Variants in CELF2 observed in about 807,000 individuals in gnomAD.
The protein encoded by CELF2 is CUGBP Elav-like family member 2.
Under a neutral mutation model 62.6 loss-of-function variants are expected in CELF2, and 8 were observed. The ratio of observed to expected loss-of-function variants is 0.13; its 90% CI spans 0.07 to 0.23. The LOEUF (loss-of-function observed/expected upper bound fraction) is 0.23, where lower values mean the gene tolerates loss of function less well. CELF2 is among the 10% of genes least tolerant of loss of function. The pLI is 1.00. For missense variants in CELF2, 333 were observed against 671.0 expected (o/e 0.50, Z 5.56); for synonymous variants, 258 against 250.0 (o/e 1.03, Z -0.30).
At chr10:11,153,215 C>G (rs538529197) in intron 1 of CELF2, among the ~76,000 whole-genome samples, 2 of 152,180 alleles carry the variant, frequency 1.3e-5, no homozygotes, top group African/African-American at 2.4e-5. Context: ...CACCTGTCCC[C>G]TCTTAAATAT....
the CELF2 span, among the ~76,000 whole-genome samples, chr10:10,526,803 G>A: frequency 6.6e-6 from 1 of 152,216 alleles, no homozygotes; most frequent in Non-Finnish European, 1.5e-5. Flanking sequence ...CACTTAAAAT[G>A]GCTGGGTCCT....
chr10:10,773,503 G>C, the CELF2 span, among the ~76,000 whole-genome samples: 1 of 152,154 alleles, frequency 6.6e-6, no homozygotes, highest in Non-Finnish European at 1.5e-5. Flanking sequence ...TTAAAGTTTA[G>C]CATGTTGTAT....
In CELF2 at chr10:11,227,563, G is replaced by C. The variant is rs2067053325; in HGVS notation, c.354+10056G>C. ...GGCTGCGATATTAGGGCCAGTTCTGGGTTGGCTCTGTCTAGCCATCACATT... is the reference window on the plus strand; with the variant it reads ...GGCTGCGATATTAGGGCCAGTTCTGCGTTGGCTCTGTCTAGCCATCACATT... On this transcript the variant is annotated intron_variant, in intron 3 of 12. Transcript: ENST00000633077. This position sits in a 1 kb window ranked among gnomAD's most constrained non-coding sequence, Gnocchi z 4.8. Among the ~76,000 whole-genome samples the C allele has an allele frequency of 6.6e-6, 1 of 152,210 alleles. No homozygotes were observed. Among genetic ancestry groups the C allele is most frequent in the Non-Finnish European group, 1.5e-5 (1 of 68,038 alleles).
chr10:10,815,246 C>T (rs368539508), intron 1 of CELF2, among the ~76,000 whole-genome samples: 8 of 152,210 alleles, frequency 5.3e-5, no homozygotes, highest in African/African-American at 1.9e-4. Flanking sequence ...CCCTCTCTCC[C>T]CTTGTACAGC....
chr10:11,074,618 C>T (rs1244874598), intron 1 of CELF2, among the ~76,000 whole-genome samples: 1 of 152,198 alleles, frequency 6.6e-6, no homozygotes, highest in Non-Finnish European at 1.5e-5. Context: ...CCCTTCATTC[C>T]TGTCTGCGAC....
At chr10:11,022,616 A>G (rs2058512945) in intron 1 of CELF2, among the ~76,000 whole-genome samples, 1 of 152,066 alleles carries the variant, frequency 6.6e-6, no homozygotes, top group African/African-American at 2.4e-5. Flanking sequence ...TAGCTTTTTT[A>G]CATAAATCCC....
the CELF2 span, among the ~76,000 whole-genome samples, chr10:10,722,877 G>T: frequency 6.6e-6 from 1 of 152,188 alleles, no homozygotes; most frequent in Non-Finnish European, 1.5e-5. Context: ...CAGCAATACT[G>T]AGATTTCAGA....
the CELF2 span, among the ~76,000 whole-genome samples, chr10:10,703,528 G>C: frequency 1.3e-5 from 2 of 152,316 alleles, no homozygotes; most frequent in South Asian, 2.1e-4. Flanking sequence ...GGAAAACACA[G>C]CCCTTTCTAC....
the CELF2 span, among the ~76,000 whole-genome samples, chr10:10,722,158 C>T: frequency 6.6e-6 from 1 of 151,732 alleles, no homozygotes; most frequent in Non-Finnish European, 1.5e-5. Context: ...AATAAAAGAG[C>T]CAGGCCTGGT....
chr10:10,695,163 T>C, the CELF2 span, among the ~76,000 whole-genome samples: 3 of 149,562 alleles, frequency 2.0e-5, no homozygotes, highest in Non-Finnish European at 3.0e-5. Context: ...CCTTTCCATG[T>C]TTAGCACTTC....
At chr10:11,169,568 A>G (rs1554894937) in intron 2 of CELF2, among the ~76,000 whole-genome samples, 3 of 152,230 alleles carry the variant, frequency 2.0e-5, no homozygotes, top group Admixed American at 1.3e-4. Context: ...CATGAAGTAG[A>G]GAAGGGAAGG....
intron 2 of CELF2, among the ~76,000 whole-genome samples, chr10:10,959,525 A>G (rs1476794281): frequency 6.6e-6 from 1 of 152,206 alleles, no homozygotes; most frequent in Admixed American, 6.5e-5. Flanking sequence ...TGCATTTTCC[A>G]AGGGAGAATG....
At chr10:10,556,725 C>A in the CELF2 span, among the ~76,000 whole-genome samples, 2 of 152,084 alleles carry the variant, frequency 1.3e-5, no homozygotes, top group Admixed American at 6.5e-5. Context: ...GATTGCCATT[C>A]TAACTGGTGT....
Position 10,997,817 on chromosome 10 carries a change from G to A in CELF2, c.89+77818G>A, listed in dbSNP as rs1052407323. Among the ~76,000 whole-genome samples, 15 of 152,252 alleles carry A rather than the reference G, an allele frequency of 9.9e-5. No individual in the cohort carries two copies. The highest frequency in any genetic ancestry group is 6.8e-3 in the Middle Eastern group (2 of 294). ...GGTCTTCCCACTGCCCTTCCTTCCTGTCTCGAGACTCTTCCAAGTTCTGAG... is the reference window on the plus strand; with the variant it reads ...GGTCTTCCCACTGCCCTTCCTTCCTATCTCGAGACTCTTCCAAGTTCTGAG... On this transcript the variant is annotated intron_variant, in intron 2 of 13. Transcript: ENST00000636488. This position sits in a 1 kb window ranked among gnomAD's most constrained non-coding sequence, Gnocchi z 5.3.
At chr10:10,630,136 A>G in the CELF2 span, among the ~76,000 whole-genome samples, 3 of 152,132 alleles carry the variant, frequency 2.0e-5, no homozygotes, top group African/African-American at 4.8e-5. Context: ...CTCTAATGCA[A>G]TAATTTTCCT....
At chr10:10,978,280 T>G (rs538790679) in intron 2 of CELF2, among the ~76,000 whole-genome samples, 2 of 152,324 alleles carry the variant, frequency 1.3e-5, no homozygotes, top group Admixed American at 1.3e-4. Flanking sequence ...GTACAATCCA[T>G]CCTGTTTAAC....
chr10:10,572,097 C>T, the CELF2 span, among the ~76,000 whole-genome samples: 17 of 152,048 alleles, frequency 1.1e-4, no homozygotes, highest in African/African-American at 3.9e-4. Flanking sequence ...AATGGCAACA[C>T]GTATGGTATT....
chr10:10,491,666 A>G, the CELF2 span, among the ~76,000 whole-genome samples: 24 of 152,272 alleles, frequency 1.6e-4, 1 homozygote, highest in East Asian at 4.4e-3. Context: ...CTCTGAAACA[A>G]AAAGTTTGTG....
intron 1 of CELF2, among the ~76,000 whole-genome samples, chr10:10,807,673 A>G (rs1045361753): frequency 6.6e-6 from 1 of 152,230 alleles, no homozygotes; most frequent in Non-Finnish European, 1.5e-5. Flanking sequence ...ACGAAAGGAA[A>G]AGGAATTTTC....
Sources: allele counts gnomAD v4.1 joint callset (sites outside exome capture counted in the v4.1 genomes callset), GRCh38; gene constraint gnomAD v4.1.1; non-coding constraint Gnocchi (gnomAD v3.1); transcripts MANE v1.5; gene names NCBI Gene and HGNC (gene_info 2026-07-23, HGNC 2026-07-21).